Variants in SRPK2 observed in about 807,000 individuals in gnomAD.
The protein encoded by SRPK2 is SFRS protein kinase 2.
In SRPK2, 21 loss-of-function variants were observed where a neutral mutation model predicts 90.8. That is an observed-to-expected ratio of 0.23 (90% CI 0.16 to 0.33). The LOEUF is 0.33. SRPK2 is among the 10% of genes least tolerant of loss of function. SRPK2 has a pLI of 1.00. For missense variants in SRPK2, 620 were observed against 869.0 expected (o/e 0.71, Z 3.60); for synonymous variants, 288 against 311.1 (o/e 0.93, Z 0.78).
chr7:105,193,860 T>C (rs1794602098), intron 3 of SRPK2, among the ~76,000 whole-genome samples: 1 of 152,344 alleles, frequency 6.6e-6, no homozygotes, highest in Middle Eastern at 3.4e-3. Context: ...TTTTTAAAAT[T>C]CAGATATTTA....
At chr7:105,319,860 C>G (rs6466058) in intron 2 of SRPK2, among the ~76,000 whole-genome samples, 5 of 145,768 alleles carry the variant, frequency 3.4e-5, no homozygotes, top group Middle Eastern at 7.5e-3. Context: ...ACTTCCCCCC[C>G]TTTTTTTTTT....
chr7:105,393,459 CTTTTTT>C (rs58162170), upstream of SRPK2, among the ~76,000 whole-genome samples: 1 of 81,214 alleles, frequency 1.2e-5, no homozygotes, highest in African/African-American at 4.4e-5. Context: ...TCTGGTTTTT[CTTTTTT>C]TTTTTTTTTT....
At chr7:105,306,482 G>C (rs535658179) in intron 2 of SRPK2, 4 of 451,218 alleles carry the variant, frequency 8.9e-6, no homozygotes, top group African/African-American at 6.1e-5. Context: ...ACTTGAACCA[G>C]GCAAAAAAAA....
chr7:105,147,694 T>A (rs1442129358), intron 7 of SRPK2, among the ~76,000 whole-genome samples: 1 of 152,190 alleles, frequency 6.6e-6, no homozygotes, highest in African/African-American at 2.4e-5. Context: ...TCACTTCCCA[T>A]CTCTCTCCTA....
intron 2 of SRPK2, among the ~76,000 whole-genome samples, chr7:105,387,318 G>T (rs749984266): frequency 4.6e-5 from 7 of 152,078 alleles, no homozygotes; most frequent in Non-Finnish European, 7.4e-5. Flanking sequence ...AACTTCCATG[G>T]TTCACCAAAG....
chr7:105,285,385 CAAA>C (rs58399129), intron 2 of SRPK2, among the ~76,000 whole-genome samples: 9 of 106,204 alleles, frequency 8.5e-5, no homozygotes, highest in African/African-American at 1.8e-4. Flanking sequence ...ACCCCGTCTC[CAAA>C]AAAAAAAAAA....
At chr7:105,302,699 G>C (rs1019478012) in intron 2 of SRPK2, among the ~76,000 whole-genome samples, 1 of 152,072 alleles carries the variant, frequency 6.6e-6, no homozygotes, top group African/African-American at 2.4e-5. Context: ...TTTGGGTCAA[G>C]ATGTGTGATC....
chr7:105,125,086 C>A (rs1397020598), intron 15 of SRPK2, among the ~76,000 whole-genome samples: 1 of 146,880 alleles, frequency 6.8e-6, no homozygotes, highest in Non-Finnish European at 1.5e-5. Flanking sequence ...GCTAAGATTG[C>A]GCCACTCCAC....
At chr7:105,261,612 A>T (rs1303734958) in intron 2 of SRPK2, among the ~76,000 whole-genome samples, 2 of 152,198 alleles carry the variant, frequency 1.3e-5, no homozygotes, top group Non-Finnish European at 2.9e-5. Context: ...TTATTTATTA[A>T]TCTATGCCAA....
intron 2 of SRPK2, among the ~76,000 whole-genome samples, chr7:105,222,098 C>T (rs1236603945): frequency 6.6e-6 from 1 of 152,194 alleles, no homozygotes; most frequent in East Asian, 1.9e-4. Flanking sequence ...ATTGTATATA[C>T]TGTGAAAAAC....
In SRPK2 at chr7:105,142,156, G is replaced by T; in HGVS notation, c.1395C>A (p.Ser465=). Residue 465 remains serine (S), a synonymous_variant, in exon 11 of 16, where the codon TCC becomes TCA. Transcript: ENST00000393651. The stretch of plus-strand genomic sequence containing the variant: ...CTAAGGATCCAGAGAACAACGAGGT[G>T]GAAAACTCTGGGAACTGTGACTCGG... ...KIPESQFPEF[S]TSLFSGSLEP... 6.2e-7 allele frequency: 1 copy of T among 1,614,140 alleles called. No individual in the cohort carries two copies. Among genetic ancestry groups the T allele is most frequent in the Non-Finnish European group, 8.5e-7 (1 of 1,180,022 alleles).
intron 13 of SRPK2, among the ~76,000 whole-genome samples, chr7:105,128,291 A>G (rs1801494329): frequency 6.6e-6 from 1 of 152,244 alleles, no homozygotes; most frequent in Admixed American, 6.5e-5. Context: ...TGAACCTGGC[A>G]TAGGTCTGAG....
At chr7:105,331,322 A>AAAAAAAC (rs1814328884) in intron 2 of SRPK2, among the ~76,000 whole-genome samples, 6 of 133,750 alleles carry the variant, frequency 4.5e-5, no homozygotes, top group African/African-American at 1.5e-4. Context: ...AAAAAAAAAA[A>AAAAAAAC]AAAAAAAAAA....
At chr7:105,186,777 C>G (rs1793633393) in intron 3 of SRPK2, among the ~76,000 whole-genome samples, 1 of 152,190 alleles carries the variant, frequency 6.6e-6, no homozygotes, top group Non-Finnish European at 1.5e-5. Flanking sequence ...AACACAGCTT[C>G]CACTCTGGAA....
intron 3 of SRPK2, among the ~76,000 whole-genome samples, chr7:105,199,692 T>C (rs1172290747): frequency 1.3e-5 from 2 of 152,174 alleles, no homozygotes; most frequent in East Asian, 3.9e-4. Context: ...AACACCAGGC[T>C]GAATCTTCTG....
At chr7:105,361,145 C>T (rs1323960574) in intron 2 of SRPK2, among the ~76,000 whole-genome samples, 1 of 152,124 alleles carries the variant, frequency 6.6e-6, no homozygotes, top group Admixed American at 6.6e-5. Context: ...AGTCAATGTA[C>T]AAAAATCACA....
intron 2 of SRPK2, among the ~76,000 whole-genome samples, chr7:105,278,503 T>C (rs1402768404): frequency 7.6e-6 from 1 of 131,628 alleles, no homozygotes; most frequent in Non-Finnish European, 1.6e-5. Context: ...GTGAACCCCA[T>C]CTCTAATAAA....
chr7:105,125,017 C>G (rs562044677), intron 15 of SRPK2, among the ~76,000 whole-genome samples: 35 of 150,838 alleles, frequency 2.3e-4, no homozygotes, highest in Non-Finnish European at 4.3e-4. Context: ...GTAATCCCAG[C>G]TACATGGGAG....
chr7:105,337,369 C>A (rs1190973150), intron 2 of SRPK2, among the ~76,000 whole-genome samples: 1 of 150,984 alleles, frequency 6.6e-6, no homozygotes, highest in African/African-American at 2.4e-5. Context: ...GGCTGGAGTG[C>A]AATGGCACAA....
Sources: gnomAD v4.1 joint callset for allele counts (sites outside exome capture counted in the v4.1 genomes callset) on GRCh38, gnomAD v4.1.1 for gene constraint, MANE v1.5 for transcripts, NCBI Gene and HGNC (gene_info 2026-07-23, HGNC 2026-07-21) for gene names.